The following TMEM215 variants were observed in gnomAD, a reference collection of about 807,000 sequenced individuals.
TMEM215 encodes transmembrane protein 215.
Under a neutral mutation model 14.7 loss-of-function variants are expected in TMEM215, and 12 were observed. The observed-to-expected ratio is 0.82, with a 90% CI of 0.52 to 1.33. TMEM215 has a LOEUF of 1.33. Ranked by LOEUF, TMEM215 falls within the 40% of genes most tolerant of loss-of-function variation. TMEM215 has a pLI of 0.00. For synonymous variants in TMEM215, 122 were observed against 124.8 expected, an observed-to-expected ratio of 0.98 and a Z score of 0.15; for missense variants, 276 against 296.2, an observed-to-expected ratio of 0.93 and a Z score of 0.50.
At position 32,785,181 on chromosome 9, in the gene TMEM215, C is replaced by T. The variant is rs1165627712; in HGVS notation, c.*290C>T. On this transcript the variant is annotated 3_prime_UTR_variant, in exon 2 of 2. Transcript: ENST00000342743. ...ATGTTAAATGTTTTGTAAAATAACCCAAAAAGTGCTATCCAGAACCAGCTG... is the reference window on the plus strand; with the variant it reads ...ATGTTAAATGTTTTGTAAAATAACCTAAAAAGTGCTATCCAGAACCAGCTG... 3 of 342,626 alleles carry T rather than the reference C, an allele frequency of 8.8e-6. No homozygotes were observed. The highest frequency in any genetic ancestry group is 6.3e-5 in the African/African-American group (3 of 47,334). The allele number at this position is 342,626 out of a possible 1,614,324, so 21.2% of individuals were successfully genotyped here.
Position 32,784,815 on chromosome 9 carries a change from A to AGAACAGCCC in TMEM215, c.634_642dup (p.Asn212_Pro214dup), listed in dbSNP as rs1563867716. 3.1e-6 allele frequency: 5 copies of AGAACAGCCC among 1,613,628 alleles called. No individual in the cohort carries two copies. Among genetic ancestry groups the AGAACAGCCC allele is most frequent in the Non-Finnish European group, 4.2e-6 (5 of 1,180,038 alleles). ...AGTATCATCGTTTGCTCCTACAAGC[A>AGAACAGCCC]GAACAGCCCGTATGACAGATACTGT... is the stretch of plus-strand genomic sequence containing the variant. On this transcript the variant is annotated inframe_insertion, in exon 2 of 2. Transcript: ENST00000342743.
rs768449470 is a variant in TMEM215, at chr9:32,784,150, C to T, written c.-34C>T. 4.4e-6 allele frequency: 7 copies of T among 1,578,194 alleles called. No individual in the cohort carries two copies. In the South Asian group the frequency reaches 7.1e-5, roughly 16 times the overall value. Reference sequence around the variant, plus strand: ...GAATAGAGGAACGCTGCTCCCTGGTCAGCAAGCAGCCCCCAACCTGGATGG... The same window carrying T: ...GAATAGAGGAACGCTGCTCCCTGGTTAGCAAGCAGCCCCCAACCTGGATGG... On this transcript the variant is annotated 5_prime_UTR_variant, in exon 2 of 2. Transcript: ENST00000342743.
chr9:32,787,391 G>A lies in TMEM215; in HGVS notation c.*2500G>A, dbSNP rs1466450298. On this transcript the variant is annotated 3_prime_UTR_variant, in exon 2 of 2. Coordinates refer to ENST00000342743, the MANE Select transcript of TMEM215 (RefSeq NM_212558.3). ...TTTTCCTGTGCTAAAATAAAGGTTT[G>A]CAAATGTTGGTGTGAGAGGTTTTAA... 1.2e-5 allele frequency: 2 copies of A among 166,884 alleles called. No individual in the cohort carries two copies. Among genetic ancestry groups the A allele is most frequent in the African/African-American group, 4.8e-5 (2 of 41,422 alleles). The allele number at this position is 166,884 out of a possible 1,614,324, so 10.3% of individuals were successfully genotyped here.
chr9:32,784,527 C>T lies in TMEM215; in HGVS notation c.344C>T (p.Ala115Val), dbSNP rs1177336088. 2.5e-6 allele frequency: 4 copies of T among 1,613,782 alleles called. No homozygotes were observed. Among genetic ancestry groups the T allele is most frequent in the South Asian group, 1.1e-5 (1 of 91,072 alleles). ...AGCTCAGATGAGCTGGCTAAGAAGG[C>T]GGGCCTCAGGGGGAAGCCTCCCCCA... is the stretch of plus-strand genomic sequence containing the variant. Reference protein sequence around the residue: ...KGSSDELAKKAGLRGKPPPQS... With the variant: ...KGSSDELAKKVGLRGKPPPQS... Residue 115 changes from alanine to valine, a missense_variant, in exon 2 of 2, where the codon GCG becomes GTG. Transcript: ENST00000342743.
At position 32,783,584 on chromosome 9, in the gene TMEM215, C is replaced by T. The variant is rs1049822445; in HGVS notation, c.-280C>T. The T allele has an allele frequency of 2.0e-5, 3 of 153,196 alleles. No individual in the cohort carries two copies. The highest frequency in any genetic ancestry group is 7.2e-5 in the African/African-American group (3 of 41,486). 9.5% of individuals were successfully genotyped at this position (153,196 alleles called of 1,614,324 possible). On this transcript the variant is annotated 5_prime_UTR_variant, in exon 1 of 2. Transcript: ENST00000342743. ...CCTCCCGCGCCCCGCGCTCTGCGCG[C>T]TGAGCTGGCGCCGGGCTCCGCTTGC...
rs1429165040 is a variant in TMEM215 at position 32,784,798 on chromosome 9, C to A, written c.615C>A (p.Ile205=). 6.2e-7 allele frequency: 1 copy of A among 1,613,556 alleles called. No homozygotes were observed. The highest frequency in any genetic ancestry group is 1.1e-5 in the South Asian group (1 of 91,086). Residue 205 remains isoleucine, a synonymous_variant, in exon 2 of 2, where the codon ATC becomes ATA. Transcript: ENST00000342743. ...TCTTTGTGCCCCAGGACAGTATCAT[C>A]GTTTGCTCCTACAAGCAGAACAGCC... ...SIFFVPQDSI[I]VCSYKQNSPY... is the part of the protein sequence containing the mutation.
rs1824474529 is a variant in TMEM215 at position 32,784,200 on chromosome 9, T to C, written c.17T>C (p.Ile6Thr). The C allele has an allele frequency of 1.2e-6, 2 of 1,613,390 alleles. No homozygotes were observed. Among genetic ancestry groups the C allele is most frequent in the Non-Finnish European group, 1.7e-6 (2 of 1,179,584 alleles). The change falls in exon 2 of 2, where the codon ATT (isoleucine) becomes ACT (threonine). Residue 6 changes from isoleucine (I) to threonine (T), a missense_variant. Coordinates refer to ENST00000342743, the MANE Select transcript of TMEM215 (RefSeq NM_212558.3). ...GAGTGAAACATGCGGCCTGATGACA[T>C]TAACCCGAGGACTGGGCTGGTGGTG... MRPDD[I>T]NPRTGLVVAL...
At position 32,786,385 on chromosome 9, in the gene TMEM215, A is replaced by C. The variant is rs954676997; in HGVS notation, c.*1494A>C. The C allele has an allele frequency of 1.2e-5, 2 of 167,010 alleles. No individual in the cohort carries two copies. The highest frequency in any genetic ancestry group is 1.3e-4 in the Admixed American group (2 of 15,290). 10.3% of individuals were successfully genotyped at this position (167,010 alleles called of 1,614,324 possible). On this transcript the variant is annotated 3_prime_UTR_variant, in exon 2 of 2. Transcript: ENST00000342743. Reference sequence around the variant, plus strand: ...TTAAGTATAGCAATTGTTCTGTCTTAAGAATCATGGTATTTTTAAAAAATC... The same window carrying C: ...TTAAGTATAGCAATTGTTCTGTCTTCAGAATCATGGTATTTTTAAAAAATC...
Position 32,784,699 on chromosome 9 carries a change from C to T in TMEM215, c.516C>T (p.Leu172=), listed in dbSNP as rs774146767. Reference sequence around the variant, plus strand: ...GCTACTGCCCCTCGGGCAGTTCCCTCACCTACAGTGCCTTGGACGTCAAGT... The same window carrying T: ...GCTACTGCCCCTCGGGCAGTTCCCTTACCTACAGTGCCTTGGACGTCAAGT... ...LDGYCPSGSS[L]TYSALDVKCS... is the part of the protein sequence containing the mutation. The change falls in exon 2 of 2, where the codon CTC becomes CTT. Residue 172 remains leucine, a synonymous_variant. Transcript: ENST00000342743. The T allele has an allele frequency of 1.2e-5, 20 of 1,614,008 alleles. No homozygotes were observed. The highest frequency in any genetic ancestry group is 3.4e-6 in the Non-Finnish European group (4 of 1,180,046).
chr9:32,785,744 A>T lies in TMEM215; in HGVS notation c.*853A>T, dbSNP rs1163669323. ...TTCATCAAGACAAAATGAATTTTAC[A>T]TATATATCCAAGTCTTTAACATTGG... On this transcript the variant is annotated 3_prime_UTR_variant, in exon 2 of 2. Transcript: ENST00000342743. The T allele has an allele frequency of 6.0e-6, 1 of 166,770 alleles. No homozygotes were observed. The highest frequency in any genetic ancestry group is 2.4e-5 in the African/African-American group (1 of 41,470). 10.3% of individuals were successfully genotyped at this position (166,770 alleles called of 1,614,324 possible). A position where few individuals can be genotyped will look rare whatever the true frequency, so the allele number is the denominator to read the frequency against.
In TMEM215 at chr9:32,785,444, G is replaced by A. The variant is rs532919173; in HGVS notation, c.*553G>A. On this transcript the variant is annotated 3_prime_UTR_variant, in exon 2 of 2. Transcript: ENST00000342743. ...TAGATGGGATGGTTTTTGGGAAAAG[G>A]GTAGTTAAAGAGAGTTGGATTATGT... The A allele has an allele frequency of 6.0e-6, 1 of 167,580 alleles. No homozygotes were observed. The highest frequency in any genetic ancestry group is 6.5e-5 in the Admixed American group (1 of 15,362). The allele number at this position is 167,580 out of a possible 1,614,324, so 10.4% of individuals were successfully genotyped here.
rs901473439 is a variant in TMEM215 at position 32,785,591 on chromosome 9, G to C, written c.*700G>C. On this transcript the variant is annotated 3_prime_UTR_variant, in exon 2 of 2. Transcript: ENST00000342743. ...GGCTATGTTACTTCTTAAACTCTTC[G>C]TTTAAATCCATTTATTGCATCTTTA... 6.6e-5 allele frequency: 11 copies of C among 166,952 alleles called. No homozygotes were observed. 10.3% of individuals were successfully genotyped at this position (166,952 alleles called of 1,614,324 possible). A position where few individuals can be genotyped will look rare whatever the true frequency, so the allele number is the denominator to read the frequency against.
chr9:32,783,902 A>C, intron 1 of TMEM215, 97 bp downstream of exon 1: 2 of 401,230 alleles, frequency 5.0e-6, no homozygotes, highest in Non-Finnish European at 8.9e-6. Context: ...AAAGGGAGGG[A>C]GGGAGAGGGG....
rs1824533256 is a variant in TMEM215, at chr9:32,788,649, C to T, written c.*3758C>T. Among the ~76,000 whole-genome samples the T allele has an allele frequency of 6.6e-6, 1 of 152,190 alleles. No individual in the cohort carries two copies. Among genetic ancestry groups the T allele is most frequent in the African/African-American group, 2.4e-5 (1 of 41,450 alleles). On this transcript the variant is annotated 3_prime_UTR_variant, in exon 2 of 2. Transcript: ENST00000342743. The stretch of plus-strand genomic sequence containing the variant: ...AGGAACTTTACTATTGAACAGGTAT[C>T]TCCTTGTGGATGAGAGAGAGGAGGC...
chr9:32,788,714 T>C lies in TMEM215; in HGVS notation c.*3823T>C, dbSNP rs1411983576. Reference sequence around the variant, plus strand: ...GAATGGAACTCTCCATATTGTTGTGTGGGTCTTCCCTTCACTCTTGTGGAT... The same window carrying C: ...GAATGGAACTCTCCATATTGTTGTGCGGGTCTTCCCTTCACTCTTGTGGAT... On this transcript the variant is annotated 3_prime_UTR_variant, in exon 2 of 2. Transcript: ENST00000342743. Among the ~76,000 whole-genome samples, 1 of 152,250 alleles carries C rather than the reference T, an allele frequency of 6.6e-6. No individual in the cohort carries two copies. The highest frequency in any genetic ancestry group is 1.9e-4 in the East Asian group (1 of 5,198).
intron 1 of TMEM215, 140 bp downstream of exon 1, chr9:32,783,945 G>C (rs1824469602): frequency 1.9e-6 from 1 of 515,068 alleles, no homozygotes; most frequent in South Asian, 3.1e-5. Flanking sequence ...GAAACAGGGA[G>C]AGATTGCAAG....
At chr9:32,784,069 T>G in intron 1 of TMEM215, 57 bp from the exon 2 acceptor site, 1 of 933,882 alleles carries the variant, frequency 1.1e-6, no homozygotes, top group Non-Finnish European at 1.6e-6. Flanking sequence ...CAAGAGTTGA[T>G]GGGTGGGAGC....
Position 32,786,687 on chromosome 9 carries a change from T to C in TMEM215, c.*1796T>C, listed in dbSNP as rs1271672879. The C allele has an allele frequency of 1.8e-5, 3 of 167,010 alleles. No homozygotes were observed. In the East Asian group the frequency reaches 5.8e-4, roughly 32 times the overall value. 10.3% of individuals were successfully genotyped at this position (167,010 alleles called of 1,614,324 possible). A position where few individuals can be genotyped will look rare whatever the true frequency, so the allele number is the denominator to read the frequency against. ...AAAGTTATGAAATTTATGATAATTA[T>C]GTGACATACATTGCACAGCTACTAC... On this transcript the variant is annotated 3_prime_UTR_variant, in exon 2 of 2. Coordinates refer to ENST00000342743, the MANE Select transcript of TMEM215 (RefSeq NM_212558.3).
In TMEM215 at chr9:32,787,169, C is replaced by T. The variant is rs1438211009; in HGVS notation, c.*2278C>T. ...TTTGGGGGTTGGAAAAGTTACTTTT[C>T]TGATTTCTTGGAACCATTTAAAACT... On this transcript the variant is annotated 3_prime_UTR_variant, in exon 2 of 2. Coordinates refer to ENST00000342743, the MANE Select transcript of TMEM215 (RefSeq NM_212558.3). The T allele has an allele frequency of 1.2e-5, 2 of 166,908 alleles. No homozygotes were observed. The highest frequency in any genetic ancestry group is 4.8e-5 in the African/African-American group (2 of 41,436). 10.3% of individuals were successfully genotyped at this position (166,908 alleles called of 1,614,324 possible). A position where few individuals can be genotyped will look rare whatever the true frequency, so the allele number is the denominator to read the frequency against.
Sources: allele counts gnomAD v4.1 joint callset (sites outside exome capture counted in the v4.1 genomes callset), GRCh38; gene constraint gnomAD v4.1.1; transcripts MANE v1.5; gene names NCBI Gene and HGNC (gene_info 2026-07-23, HGNC 2026-07-21).